Variants in PUDP observed in about 807,000 individuals in gnomAD.
PUDP encodes the protein pseudouridine-5'-phosphatase.
In PUDP, 8 loss-of-function variants were observed where a neutral mutation model predicts 9.4. The observed-to-expected ratio is 0.85, with a 90% CI of 0.50 to 1.53. The LOEUF is 1.53. PUDP is among the 40% of genes most tolerant of loss of function. PUDP has a pLI of 0.00. For missense variants in PUDP, 188 were observed against 189.7 expected (o/e 0.99, Z 0.05); for synonymous variants, 99 against 80.7 (o/e 1.23, Z -1.22).
intron 1 of PUDP, among the ~76,000 whole-genome samples, chrX:7,145,987 G>C (rs1362461461): frequency 5.4e-5 from 6 of 112,045 alleles, no homozygotes; most frequent in Non-Finnish European, 1.9e-5. Context: ...AAATTAAAGT[G>C]GCACATCTTG....
At chrX:6,781,987 TC>T (rs1925570196) in intron 3 of PUDP, among the ~76,000 whole-genome samples, 1 of 111,917 alleles carries the variant, frequency 8.9e-6, no homozygotes, top group Non-Finnish European at 1.9e-5. Flanking sequence ...CTTATCAGAG[TC>T]CTTTTCTCAA....
chrX:6,925,917 G>A (rs375025169), intron 3 of PUDP, among the ~76,000 whole-genome samples: 3 of 111,832 alleles, frequency 2.7e-5, no homozygotes, highest in South Asian at 7.6e-4. Flanking sequence ...CTCTTGCCCA[G>A]CACAGCCTTA....
intron 2 of PUDP, among the ~76,000 whole-genome samples, chrX:7,097,456 C>A (rs1192502725): frequency 9.0e-6 from 1 of 111,458 alleles, no homozygotes; most frequent in Non-Finnish European, 1.9e-5. Flanking sequence ...CCCGAGGTCA[C>A]CCCCTACCCC....
intron 1 of PUDP, among the ~76,000 whole-genome samples, chrX:6,987,094 T>C (rs761995000): frequency 2.5e-4 from 28 of 111,702 alleles, no homozygotes; most frequent in Non-Finnish European, 4.9e-4. Context: ...AAACTGGAAA[T>C]CACCAGCCAA....
chrX:7,016,559 C>T (rs1025977798), intron 1 of PUDP, among the ~76,000 whole-genome samples: 1 of 110,932 alleles, frequency 9.0e-6, no homozygotes, highest in Non-Finnish European at 1.9e-5. Flanking sequence ...TGAGACCCTT[C>T]CTGAACTTCA....
rs747508940 is a variant in PUDP at position 6,899,544 on chromosome X, G to C, written c.*247+77589C>G. On this transcript the variant is annotated intron_variant and NMD_transcript_variant, in intron 3 of 3. Coordinates refer to the PUDP transcript ENST00000655425. ...GCCGAGATCACACCACTGCACTCGAGTCTGGGTGACAGAACAAGACTTTGT... is the reference window on the plus strand; with the variant it reads ...GCCGAGATCACACCACTGCACTCGACTCTGGGTGACAGAACAAGACTTTGT... Among the ~76,000 whole-genome samples, 81 of 111,937 alleles carry C rather than the reference G, an allele frequency of 7.2e-4. 1 individual carries two copies. Among genetic ancestry groups the C allele is most frequent in the African/African-American group, 2.6e-3 (79 of 30,844 alleles).
chrX:7,134,710 A>G (rs1241277612), intron 1 of PUDP, among the ~76,000 whole-genome samples: 1 of 112,145 alleles, frequency 8.9e-6, no homozygotes, highest in Non-Finnish European at 1.9e-5. Flanking sequence ...AAAAAGAAAA[A>G]GCAGATATAA....
At chrX:7,094,816 A>G (rs1421128644) in intron 2 of PUDP, among the ~76,000 whole-genome samples, 2 of 112,112 alleles carry the variant, frequency 1.8e-5, no homozygotes, top group African/African-American at 6.5e-5. Flanking sequence ...GCGTAAGTTG[A>G]ATGTGTTACC....
intron 2 of PUDP, among the ~76,000 whole-genome samples, chrX:7,101,682 A>G (rs1301600132): frequency 1.8e-5 from 2 of 112,067 alleles, no homozygotes; most frequent in African/African-American, 6.5e-5. Context: ...GAAATAAGAC[A>G]CGTGCATGCC....
At chrX:6,714,544 TATAGATATGATAG>T (rs201477718) in intron 1 of PUDP, among the ~76,000 whole-genome samples, 3,566 of 106,400 alleles carry the variant, frequency 0.034, 160 homozygotes, top group African/African-American at 0.12. Context: ...ATAGATGATA[TATAGATATGATAG>T]ATAGATACAA....
At chrX:6,860,285 A>G (rs1569112401) in intron 3 of PUDP, among the ~76,000 whole-genome samples, 1 of 108,618 alleles carries the variant, frequency 9.2e-6, no homozygotes, top group African/African-American at 3.4e-5. Flanking sequence ...CTTGACCCCT[A>G]TTTTTTCTCT....
At chrX:6,930,653 C>G (rs1928175413) in intron 3 of PUDP, among the ~76,000 whole-genome samples, 1 of 111,478 alleles carries the variant, frequency 9.0e-6, no homozygotes, top group Admixed American at 9.4e-5. Context: ...TGGGGCTGCT[C>G]TGCCTATGGA....
chrX:6,750,998 C>A (rs186790547), intron 3 of PUDP, among the ~76,000 whole-genome samples: 27 of 109,631 alleles, frequency 2.5e-4, no homozygotes, highest in African/African-American at 9.0e-4. Flanking sequence ...GGAAATTAGC[C>A]GGGTGTGGTG....
chrX:6,720,240 A>ATGTGTG lies in PUDP; in HGVS notation n.128+1176_128+1177insCACACA, dbSNP rs1165718590. On this transcript the variant is annotated intron_variant and non_coding_transcript_variant, in intron 1 of 2. Coordinates refer to the PUDP transcript ENST00000438499. ...TATATGTGTATATATGTGTGTATAT[A>ATGTGTG]TGTATGTGTGTGTGTGTGTATATAT... Among the ~76,000 whole-genome samples, 6 of 55,654 alleles carry ATGTGTG rather than the reference A, an allele frequency of 1.1e-4. 1 individual carries two copies. The highest frequency in any genetic ancestry group is 4.6e-4 in the African/African-American group (6 of 13,049). 48.3% of individuals were successfully genotyped at this position (55,654 alleles called of 115,157 possible).
At chrX:6,824,655 C>G (rs1023368077) in intron 3 of PUDP, among the ~76,000 whole-genome samples, 3 of 111,513 alleles carry the variant, frequency 2.7e-5, no homozygotes, top group Non-Finnish European at 5.6e-5. Flanking sequence ...ATATCAGCTT[C>G]TGTACCTTAT....
At chrX:6,954,728 T>A (rs1484748778) in intron 3 of PUDP, among the ~76,000 whole-genome samples, 1 of 110,846 alleles carries the variant, frequency 9.0e-6, no homozygotes, top group Non-Finnish European at 1.9e-5. Flanking sequence ...CAGAAAAGAG[T>A]CTGGAAAAGT....
chrX:7,132,499 C>T (rs1932647116), intron 1 of PUDP, among the ~76,000 whole-genome samples: 1 of 111,555 alleles, frequency 9.0e-6, no homozygotes, highest in African/African-American at 3.3e-5. Context: ...GTCAGCACAA[C>T]TGGTTTAACA....
intron 3 of PUDP, among the ~76,000 whole-genome samples, chrX:6,753,637 T>C (rs1925133728): frequency 8.9e-6 from 1 of 112,171 alleles, no homozygotes; most frequent in Non-Finnish European, 1.9e-5. Context: ...CAATATCTAC[T>C]ATTTTTTGTT....
In PUDP at chrX:6,851,212, T is replaced by C. The variant is rs775564220; in HGVS notation, c.*247+125921A>G. 8.9e-5 allele frequency among the ~76,000 whole-genome samples: 10 copies of C among 112,202 alleles called. No homozygotes were observed. In the South Asian group the frequency reaches 3.7e-3, roughly 42 times the overall value. ...TGAAGAGGGAGGAGAATTTGCAAAA[T>C]CAGGAAAGGGCTGCTCTCAGAAAAT... On this transcript the variant is annotated intron_variant and NMD_transcript_variant, in intron 3 of 3. Coordinates refer to the PUDP transcript ENST00000655425.
Sources: allele counts gnomAD v4.1 joint callset (sites outside exome capture counted in the v4.1 genomes callset), GRCh38; gene constraint gnomAD v4.1.1; transcripts MANE v1.5; gene names NCBI Gene and HGNC (gene_info 2026-07-23, HGNC 2026-07-21).